ENPP1: variants seen among roughly 807,000 people sequenced by gnomAD.
ENPP1 encodes ectonucleotide pyrophosphatase/phosphodiesterase 1.
ENPP1 carries 73 observed loss-of-function variants against 122.8 expected under a neutral mutation model. That is an observed-to-expected ratio of 0.59 (90% CI 0.49 to 0.72). ENPP1 has a LOEUF of 0.72. Ranked by LOEUF, ENPP1 falls within the 30% of genes least tolerant of loss-of-function variation. The pLI is 0.00. For synonymous variants in ENPP1, 367 were observed against 391.6 expected, an observed-to-expected ratio of 0.94 and a Z score of 0.74; for missense variants, 978 against 1,128.1, an observed-to-expected ratio of 0.87 and a Z score of 1.91.
rs1025846314 is a variant in ENPP1, at chr6:131,892,444, T to G, written c.*1933T>G. 5 of 152,206 alleles carry G rather than the reference T, an allele frequency of 3.3e-5. No homozygotes were observed. The highest frequency in any genetic ancestry group is 1.2e-4 in the African/African-American group (5 of 41,446). 9.4% of individuals were successfully genotyped at this position (152,206 alleles called of 1,614,324 possible). ...ATTCAGTTTCCCATTAGGTCTTTAT[T>G]GATTCTTCCCTGGCTGGAATGTGCA... On this transcript the variant is annotated 3_prime_UTR_variant, in exon 25 of 25. Transcript: ENST00000647893.
chr6:131,835,132 G>A (rs570738286), intron 1 of ENPP1, among the ~76,000 whole-genome samples: 1 of 152,246 alleles, frequency 6.6e-6, no homozygotes, highest in Non-Finnish European at 1.5e-5. Context: ...TTATGGTCAC[G>A]ATTTCACCAA....
chr6:131,889,538 C>A (rs11963689), intron 24 of ENPP1, among the ~76,000 whole-genome samples: 11,004 of 152,184 alleles, frequency 0.072, 888 homozygotes, highest in African/African-American at 0.21. Flanking sequence ...CCAGCTCCAT[C>A]CATGTCCCTG....
chr6:131,808,639 G>A (rs544939344), intron 1 of ENPP1, among the ~76,000 whole-genome samples: 1 of 152,340 alleles, frequency 6.6e-6, no homozygotes, highest in Non-Finnish European at 1.5e-5. Flanking sequence ...GTGCATCAAT[G>A]TGTTGCTTCT....
intron 1 of ENPP1, among the ~76,000 whole-genome samples, chr6:131,828,639 G>A (rs1781575193): frequency 6.6e-6 from 1 of 152,120 alleles, no homozygotes; most frequent in South Asian, 2.1e-4. Flanking sequence ...TAATGAGTGT[G>A]GTATTGAAAA....
Position 131,872,087 on chromosome 6 carries a change from GC to G in ENPP1, c.1426del (p.Arg476GlufsTer16). 1 of 1,590,896 alleles carries G rather than the reference GC, an allele frequency of 6.3e-7. No individual in the cohort carries two copies. ...CCCTCCAGTTAACTATGAAGGCATT[GC>G]CCGAAATCTTTCTGTGAGTATCTTT... ...KYYSFNYEGI[A>X]RNLSCREPNQ... On this transcript the variant is annotated frameshift_variant, in exon 14 of 25. Coordinates refer to ENST00000647893, the MANE Select transcript of ENPP1 (RefSeq NM_006208.3). LOFTEE classifies it high-confidence loss of function.
At chr6:131,817,650 T>A (rs2114654916) in intron 1 of ENPP1, among the ~76,000 whole-genome samples, 1 of 151,994 alleles carries the variant, frequency 6.6e-6, no homozygotes, top group South Asian at 2.1e-4. Flanking sequence ...GAGAATCACT[T>A]GAGGCCATAA....
chr6:131,881,210 A>G (rs959564954), intron 20 of ENPP1, among the ~76,000 whole-genome samples: 1 of 152,218 alleles, frequency 6.6e-6, no homozygotes, highest in African/African-American at 2.4e-5. Context: ...CTGTTTATAT[A>G]TAATTTCTAT....
At chr6:131,835,528 C>T (rs1585803623) in intron 1 of ENPP1, among the ~76,000 whole-genome samples, 3 of 152,156 alleles carry the variant, frequency 2.0e-5, no homozygotes, top group South Asian at 2.1e-4. Context: ...CTATGTTTAT[C>T]TAAAATAATT....
chr6:131,836,585 G>T (rs1781677001), intron 1 of ENPP1, among the ~76,000 whole-genome samples: 1 of 152,012 alleles, frequency 6.6e-6, no homozygotes, highest in Admixed American at 6.6e-5. Context: ...AATAATAGAA[G>T]AACTTGGCGT....
chr6:131,837,759 G>A (rs764699365), intron 1 of ENPP1, among the ~76,000 whole-genome samples: 13 of 152,060 alleles, frequency 8.5e-5, no homozygotes, highest in Non-Finnish European at 1.5e-5. Context: ...ATAATTATGA[G>A]GATGTAGGGC....
At chr6:131,815,871 A>ATTTTTTTTTTTTTTTTT (rs750091125) in intron 1 of ENPP1, among the ~76,000 whole-genome samples, 1 of 115,842 alleles carries the variant, frequency 8.6e-6, no homozygotes. Flanking sequence ...CACCTGGCTA[A>ATTTTTTTTTTTTTTTTT]TTTTTTTTTT....
At chr6:131,851,057 TACTC>T in intron 3 of ENPP1, 81 bp from the exon 4 acceptor site, 1 of 1,468,432 alleles carries the variant, frequency 6.8e-7, no homozygotes, top group Non-Finnish European at 9.5e-7. Context: ...TCATGGATCA[TACTC>T]AGGAAGACAG....
intron 18 of ENPP1, among the ~76,000 whole-genome samples, chr6:131,878,291 G>T (rs1782261623): frequency 6.6e-6 from 1 of 152,036 alleles, no homozygotes. Flanking sequence ...ATTTACTTGG[G>T]AGCCTGAGGT....
At chr6:131,882,569 T>G in intron 21 of ENPP1, 95 bp downstream of exon 21, 1 of 370,790 alleles carries the variant, frequency 2.7e-6, no homozygotes, top group East Asian at 7.7e-5. Context: ...ATATATATAT[T>G]ACCTATTATA....
At chr6:131,836,735 A>G (rs565837027) in intron 1 of ENPP1, among the ~76,000 whole-genome samples, 9 of 152,354 alleles carry the variant, frequency 5.9e-5, no homozygotes, top group African/African-American at 1.9e-4. Context: ...AAGTCAAACA[A>G]AATTGCTGTG....
At chr6:131,818,912 A>G (rs1179271572) in intron 1 of ENPP1, among the ~76,000 whole-genome samples, 2 of 152,220 alleles carry the variant, frequency 1.3e-5, no homozygotes, top group East Asian at 1.9e-4. Flanking sequence ...TATTTTCTCA[A>G]AAATGAGTGA....
At chr6:131,817,870 C>A (rs928977600) in intron 1 of ENPP1, among the ~76,000 whole-genome samples, 4 of 151,602 alleles carry the variant, frequency 2.6e-5, no homozygotes, top group African/African-American at 9.7e-5. Flanking sequence ...ATTGTCACAG[C>A]GAATTGTCAC....
chr6:131,818,060 TC>T (rs765117384), intron 1 of ENPP1, among the ~76,000 whole-genome samples: 34 of 152,010 alleles, frequency 2.2e-4, no homozygotes, highest in Admixed American at 4.6e-4. Context: ...TGTTTCCCGA[TC>T]CCCCTCCTGC....
intron 16 of ENPP1, among the ~76,000 whole-genome samples, chr6:131,875,136 A>G (rs929553213): frequency 1.3e-5 from 2 of 152,174 alleles, no homozygotes; most frequent in African/African-American, 4.8e-5. Flanking sequence ...GTGATGGGTA[A>G]CACTAAAAGC....
Sources: allele counts gnomAD v4.1 joint callset (sites outside exome capture counted in the v4.1 genomes callset), GRCh38; gene constraint gnomAD v4.1.1; transcripts MANE v1.5; gene names NCBI Gene and HGNC (gene_info 2026-07-23, HGNC 2026-07-21).